Variants in LRP1B observed in about 807,000 individuals in gnomAD.
LRP1B encodes the protein low-density lipoprotein receptor-related protein 1B.
LRP1B carries 217 observed loss-of-function variants against 556.6 expected under a neutral mutation model. The ratio of observed to expected loss-of-function variants is 0.39; its 90% confidence interval spans 0.35 to 0.44. The LOEUF (loss-of-function observed/expected upper bound fraction) is 0.44. LRP1B is among the 20% of genes least tolerant of loss of function. LRP1B has a pLI of 1.00. For synonymous variants in LRP1B, 2,047 were observed against 1,865.8 expected, an observed-to-expected ratio of 1.10 and a Z score of -2.50; for missense variants, 5,053 against 5,620.8, an observed-to-expected ratio of 0.90 and a Z score of 3.23.
chr2:140,517,039 A>G (rs1689937627), intron 49 of LRP1B, 28 bp from the exon 50 acceptor site: 2 of 1,513,368 alleles, frequency 1.3e-6, no homozygotes, highest in South Asian at 1.1e-5. Flanking sequence ...ATGTCAAACA[A>G]TTTCATTTTA....
chr2:141,717,401 A>G (rs899274475), intron 2 of LRP1B, among the ~76,000 whole-genome samples: 1 of 152,194 alleles, frequency 6.6e-6, no homozygotes, highest in African/African-American at 2.4e-5. Flanking sequence ...CAAGTTGACC[A>G]GTGGTGCTAA....
chr2:141,246,611 G>A (rs1403902403), intron 5 of LRP1B, among the ~76,000 whole-genome samples: 1 of 152,150 alleles, frequency 6.6e-6, no homozygotes, highest in African/African-American at 2.4e-5. Context: ...CCAGGAGAGA[G>A]GATAGGTAAT....
intron 1 of LRP1B, among the ~76,000 whole-genome samples, chr2:141,864,737 C>T (rs1308925511): frequency 1.3e-5 from 2 of 152,022 alleles, no homozygotes; most frequent in African/African-American, 2.4e-5. Flanking sequence ...CAAAAAATAT[C>T]TGGGCGTGGT....
chr2:141,805,343 A>G lies in LRP1B; in HGVS notation c.205+4936T>C, dbSNP rs149883033. The G allele has an allele frequency of 5.1e-4, 77 of 152,254 alleles. 1 individual carries two copies. Among genetic ancestry groups the G allele is most frequent in the Admixed American group, 1.4e-3 (22 of 15,272 alleles). The allele number at this position is 152,254 out of a possible 1,614,324, so 9.4% of individuals were successfully genotyped here. On this transcript the variant is annotated intron_variant, in intron 2 of 90. Coordinates refer to ENST00000389484, the MANE Select transcript of LRP1B (RefSeq NM_018557.3). ...GCAGTTCTGAATTATCCACTTTTGC[A>G]ACTTTTTATGAAGAAAGAAAACCCC...
At chr2:141,678,091 C>T (rs1042143328) in intron 2 of LRP1B, among the ~76,000 whole-genome samples, 14 of 152,046 alleles carry the variant, frequency 9.2e-5, no homozygotes, top group Admixed American at 9.2e-4. Context: ...GACTTAGGCC[C>T]ATAAAGTTTG....
chr2:141,982,099 C>T (rs1702059904), intron 1 of LRP1B, among the ~76,000 whole-genome samples: 1 of 152,058 alleles, frequency 6.6e-6, no homozygotes, highest in Non-Finnish European at 1.5e-5. Context: ...TTAATAATAA[C>T]TCGCATTTCC....
At chr2:140,621,783 A>G (rs890913141) in intron 41 of LRP1B, among the ~76,000 whole-genome samples, 17 of 152,198 alleles carry the variant, frequency 1.1e-4, no homozygotes, top group Non-Finnish European at 1.2e-4. Flanking sequence ...ACTGCCAAAC[A>G]CCATCTATCA....
chr2:140,866,464 GAAGTC>G (rs145522866), intron 27 of LRP1B, among the ~76,000 whole-genome samples: 3,019 of 152,056 alleles, frequency 0.02, 92 homozygotes, highest in African/African-American at 0.068. Context: ...TAAGGTGAAA[GAAGTC>G]AAGAGTAGAA....
intron 35 of LRP1B, among the ~76,000 whole-genome samples, chr2:140,767,666 A>G (rs896395807): frequency 5.9e-5 from 9 of 151,396 alleles, no homozygotes; most frequent in African/African-American, 2.2e-4. Context: ...TTTTTATTAT[A>G]CTTTAAGTTT....
intron 21 of LRP1B, among the ~76,000 whole-genome samples, chr2:140,920,324 A>G (rs1449369584): frequency 6.6e-6 from 1 of 152,058 alleles, no homozygotes; most frequent in Non-Finnish European, 1.5e-5. Flanking sequence ...CTCATATAAT[A>G]GGAATTTAAA....
intron 47 of LRP1B, among the ~76,000 whole-genome samples, chr2:140,529,863 C>T (rs1343292740): frequency 6.6e-6 from 1 of 151,966 alleles, no homozygotes; most frequent in Admixed American, 6.6e-5. Flanking sequence ...AACTTATGAA[C>T]AATGCCTCAT....
intron 1 of LRP1B, among the ~76,000 whole-genome samples, chr2:141,823,897 C>T (rs1558900383): frequency 6.6e-6 from 1 of 152,132 alleles, no homozygotes; most frequent in Admixed American, 6.6e-5. Context: ...TGGTCTCAAA[C>T]TCCTGAGTTC....
chr2:140,656,478 G>T (rs984611553), intron 41 of LRP1B, among the ~76,000 whole-genome samples: 1 of 152,040 alleles, frequency 6.6e-6, no homozygotes, highest in Admixed American at 6.6e-5. Flanking sequence ...TTCCCCAAAG[G>T]CATTGCTAAA....
intron 2 of LRP1B, among the ~76,000 whole-genome samples, chr2:141,600,402 G>C (rs554980600): frequency 6.6e-6 from 1 of 152,158 alleles, no homozygotes; most frequent in Non-Finnish European, 1.5e-5. Flanking sequence ...CCACGAACTA[G>C]AGCACAAAAC....
At chr2:141,615,581 A>T (rs1046365651) in intron 2 of LRP1B, among the ~76,000 whole-genome samples, 2 of 152,132 alleles carry the variant, frequency 1.3e-5, no homozygotes, top group Non-Finnish European at 2.9e-5. Flanking sequence ...TCTTGAAATT[A>T]CAAAAATAAT....
At chr2:142,120,585 T>G (rs898848163) in intron 1 of LRP1B, among the ~76,000 whole-genome samples, 2 of 152,202 alleles carry the variant, frequency 1.3e-5, no homozygotes, top group Non-Finnish European at 2.9e-5. Flanking sequence ...AAGGAGCTCT[T>G]TCTTTAAAAC....
At chr2:140,348,770 A>G (rs961585006) in intron 77 of LRP1B, among the ~76,000 whole-genome samples, 1 of 152,164 alleles carries the variant, frequency 6.6e-6, no homozygotes, top group Non-Finnish European at 1.5e-5. Flanking sequence ...AGTAAAATAC[A>G]TAAATATATT....
intron 7 of LRP1B, among the ~76,000 whole-genome samples, chr2:141,157,333 G>T (rs755577242): frequency 6.6e-6 from 1 of 151,858 alleles, no homozygotes; most frequent in Non-Finnish European, 1.5e-5. Context: ...TAAAATATAC[G>T]TATTTTCCAA....
chr2:141,661,586 T>C (rs1482170694), intron 2 of LRP1B, among the ~76,000 whole-genome samples: 1 of 152,070 alleles, frequency 6.6e-6, no homozygotes, highest in South Asian at 2.1e-4. Context: ...TTTCAGAGCT[T>C]GAAGATTGTC....
Sources: gnomAD v4.1 joint callset for allele counts (sites outside exome capture counted in the v4.1 genomes callset) on GRCh38, gnomAD v4.1.1 for gene constraint, MANE v1.5 for transcripts, NCBI Gene and HGNC (gene_info 2026-07-23, HGNC 2026-07-21) for gene names.